The following SLC35D4 variants were observed in gnomAD, a reference collection of about 807,000 sequenced individuals.
SLC35D4 encodes solute carrier family 35 member D4.
At chr18:23,313,886 G>A in the SLC35D4 span, among the ~76,000 whole-genome samples, 1 of 152,170 alleles carries the variant, frequency 6.6e-6, no homozygotes, top group Non-Finnish European at 1.5e-5. Context: ...CTCCACACTT[G>A]ACTCTGATCT....
chr18:23,247,882 G>A, the SLC35D4 span, among the ~76,000 whole-genome samples: 12 of 152,222 alleles, frequency 7.9e-5, no homozygotes, highest in South Asian at 2.1e-4. Flanking sequence ...CCACTTACGC[G>A]GGGCCAAGCA....
the SLC35D4 span, among the ~76,000 whole-genome samples, chr18:23,390,156 C>T: frequency 1.3e-5 from 2 of 152,258 alleles, no homozygotes; most frequent in Admixed American, 1.3e-4. Context: ...CCCCATTATA[C>T]GGTCAAGAAA....
the SLC35D4 span, among the ~76,000 whole-genome samples, chr18:23,249,986 C>G: frequency 6.6e-6 from 1 of 151,942 alleles, no homozygotes; most frequent in Non-Finnish European, 1.5e-5. Flanking sequence ...CTTTTCTGAG[C>G]CTCTGTTGCA....
At chr18:23,257,442 A>T in the SLC35D4 span, 1 of 1,458,298 alleles carries the variant, frequency 6.9e-7, no homozygotes, top group Non-Finnish European at 9.2e-7. Context: ...ACTGGAAATG[A>T]AAAAAAGTAG....
chr18:23,255,723 CTAATT>C, the SLC35D4 span, among the ~76,000 whole-genome samples: 4 of 151,924 alleles, frequency 2.6e-5, no homozygotes, highest in Admixed American at 6.6e-5. Flanking sequence ...CTGCGCCTGG[CTAATT>C]TTTTTTATTT....
At chr18:23,350,967 G>T in the SLC35D4 span, among the ~76,000 whole-genome samples, 1 of 152,168 alleles carries the variant, frequency 6.6e-6, no homozygotes, top group African/African-American at 2.4e-5. Context: ...GAGCTGAAAT[G>T]GATGTTTTTG....
the SLC35D4 span, among the ~76,000 whole-genome samples, chr18:23,358,027 C>A: frequency 1.3e-5 from 2 of 152,154 alleles, no homozygotes; most frequent in Non-Finnish European, 2.9e-5. Context: ...ATTCTGAAGT[C>A]CCTTTCCCCA....
the SLC35D4 span, among the ~76,000 whole-genome samples, chr18:23,405,660 T>C: frequency 6.6e-6 from 1 of 151,984 alleles, no homozygotes. Flanking sequence ...ATGGGAGAGG[T>C]AGGCAATAAG....
At chr18:23,427,303 A>G in the SLC35D4 span, among the ~76,000 whole-genome samples, 1,338 of 152,344 alleles carry the variant, frequency 8.8e-3, 15 homozygotes, top group African/African-American at 0.03. Flanking sequence ...ATCTACAAAG[A>G]ACTCCAACAA....
chr18:23,299,974 C>A, the SLC35D4 span, among the ~76,000 whole-genome samples: 1 of 152,162 alleles, frequency 6.6e-6, no homozygotes, highest in African/African-American at 2.4e-5. Context: ...ATGTTATGAA[C>A]CAAATGACTA....
chr18:23,365,482 G>A, the SLC35D4 span: 1 of 780,184 alleles, frequency 1.3e-6, no homozygotes, highest in Non-Finnish European at 2.0e-6. Context: ...GGTTTATTAA[G>A]AGCAGTTTCA....
chr18:23,258,072 A>ATTGT, the SLC35D4 span: 1 of 152,176 alleles, frequency 6.6e-6, no homozygotes, highest in African/African-American at 2.4e-5. Flanking sequence ...AATGACTGAC[A>ATTGT]TTGTTTTGTT....
the SLC35D4 span, among the ~76,000 whole-genome samples, chr18:23,431,153 C>CAAAAAAAAAAAAAAA: frequency 5.4e-4 from 36 of 66,224 alleles, no homozygotes; most frequent in Middle Eastern, 0.012. Flanking sequence ...GAGTATATCT[C>CAAAAAAAAAAAAAAA]AAAAAAAAAA....
chr18:23,327,866 C>T, the SLC35D4 span, among the ~76,000 whole-genome samples: 6 of 152,232 alleles, frequency 3.9e-5, no homozygotes, highest in Middle Eastern at 3.4e-3. Flanking sequence ...ATGATCAAGT[C>T]GGCTTCATCC....
the SLC35D4 span, among the ~76,000 whole-genome samples, chr18:23,291,519 C>T: frequency 6.6e-6 from 1 of 152,218 alleles, no homozygotes; most frequent in Admixed American, 6.5e-5. Context: ...TGATGGCACT[C>T]GGCTGGCAGA....
the SLC35D4 span, chr18:23,377,762 T>TC: frequency 2.5e-6 from 3 of 1,178,976 alleles, no homozygotes; most frequent in Non-Finnish European, 3.4e-6. Context: ...GGCAAATAAA[T>TC]TATGAGTAGA....
chr18:23,409,754 G>A, the SLC35D4 span, among the ~76,000 whole-genome samples: 2 of 151,036 alleles, frequency 1.3e-5, no homozygotes, highest in African/African-American at 4.9e-5. Context: ...TGAGGCAGGA[G>A]AATGGATTGA....
the SLC35D4 span, among the ~76,000 whole-genome samples, chr18:23,298,959 C>T: frequency 1.3e-5 from 2 of 152,256 alleles, no homozygotes; most frequent in African/African-American, 4.8e-5. Context: ...GTTTGGGGTG[C>T]TGAGTGTATG....
chr18:23,318,846 T>C, the SLC35D4 span, among the ~76,000 whole-genome samples: 17,926 of 152,116 alleles, frequency 0.12, 1,169 homozygotes, highest in Middle Eastern at 0.19. Context: ...AAATACTTCA[T>C]AGTAATTTTT....
Sources: allele counts gnomAD v4.1 joint callset (sites outside exome capture counted in the v4.1 genomes callset), GRCh38; gene constraint gnomAD v4.1.1; transcripts MANE v1.5; gene names NCBI Gene and HGNC (gene_info 2026-07-23, HGNC 2026-07-21).